The following TPR variants were observed in gnomAD, a reference collection of about 807,000 sequenced individuals.
TPR encodes translocated promoter region, nuclear basket protein, also known as nucleoprotein TPR.
A neutral mutation model predicts 316.1 loss-of-function variants in TPR; 51 were observed. That is an observed-to-expected ratio of 0.16 (90% CI 0.13 to 0.20). TPR has a LOEUF of 0.20. Among genes scored for constraint, TPR ranks in the 10% least tolerant of loss-of-function variants. TPR has a pLI of 1.00. For synonymous variants in TPR, 981 were observed against 914.7 expected (o/e 1.07, Z -1.31); for missense variants, 2,272 against 2,754.8 (o/e 0.82, Z 3.92).
Position 186,312,761 on chromosome 1 carries a change from A to G in TPR, c.*1210T>C, listed in dbSNP as rs761807767. The G allele has an allele frequency of 2.5e-6, 4 of 1,612,538 alleles. No homozygotes were observed. The highest frequency in any genetic ancestry group is 1.3e-5 in the African/African-American group (1 of 74,996). On this transcript the variant is annotated 3_prime_UTR_variant, in exon 51 of 51. Transcript: ENST00000367478. The stretch of plus-strand genomic sequence containing the variant: ...TCTGGTATCTTTTATTAAACATGCC[A>G]CTTACAGGTGTCCTTCATAATGAAG...
chr1:186,361,600 T>G (rs1262164698), intron 9 of TPR, 22 bp downstream of exon 9: 1 of 1,608,222 alleles, frequency 6.2e-7, no homozygotes, highest in East Asian at 2.2e-5. Context: ...AAAATAATGT[T>G]CCCATAACTG....
chr1:186,353,904 C>A (rs1658946995), intron 17 of TPR, 54 bp from the exon 18 acceptor site: 2 of 1,545,202 alleles, frequency 1.3e-6, no homozygotes, highest in African/African-American at 1.4e-5. Flanking sequence ...CTAGCTTAAT[C>A]CCTTGAAGAA....
intron 29 of TPR, among the ~76,000 whole-genome samples, 170 bp downstream of exon 29, chr1:186,340,858 T>C (rs956711840): frequency 6.6e-6 from 1 of 152,174 alleles, no homozygotes; most frequent in African/African-American, 2.4e-5. Context: ...ATAAATTGGG[T>C]TATAAGTTTA....
intron 23 of TPR, 151 bp downstream of exon 23, chr1:186,345,984 G>T: frequency 1.3e-6 from 1 of 794,974 alleles, no homozygotes; most frequent in Non-Finnish European, 1.9e-6. Context: ...GTATATAGAG[G>T]TACAGAAAAG....
At position 186,312,796 on chromosome 1, in the gene TPR, G is replaced by C. The variant is rs752573420; in HGVS notation, c.*1175C>G. 1.2e-6 allele frequency: 2 copies of C among 1,612,700 alleles called. No homozygotes were observed. Among genetic ancestry groups the C allele is most frequent in the East Asian group, 4.5e-5 (2 of 44,838 alleles). ...GTCCTTCATAATGAAGTTAAAGTGA[G>C]TATACTGTGGAGAGGACTTCCAAAT... is the stretch of plus-strand genomic sequence containing the variant. On this transcript the variant is annotated 3_prime_UTR_variant, in exon 51 of 51. Transcript: ENST00000367478.
rs141229919 is a variant in TPR at position 186,318,737 on chromosome 1, G to A, written c.6660C>T (p.Ala2220=). The change falls in exon 47 of 51, where the codon GCC becomes GCT. Residue 2220 remains alanine, a synonymous_variant. Transcript: ENST00000367478. ...CTATCTGCCTTTGATCCCTACCTGG[G>A]GCTGCTACTTGTAGTGGAGTAGTGG... The part of the protein sequence containing the change: ...SVPTTPLQVA[A]PVTVFTESTT... 648 of 1,614,016 alleles carry A rather than the reference G, an allele frequency of 4.0e-4. No individual in the cohort carries two copies. The highest frequency in any genetic ancestry group is 1.0e-3 in the Admixed American group (60 of 59,998).
chr1:186,349,935 A>C (rs1658811064), intron 21 of TPR, among the ~76,000 whole-genome samples: 1 of 152,144 alleles, frequency 6.6e-6, no homozygotes, highest in African/African-American at 2.4e-5. Flanking sequence ...CCTCTTCAGA[A>C]AGAATAATTT....
rs1042451879 is a variant in TPR at position 186,363,547 on chromosome 1, A to G, written c.428-102T>C. On this transcript the variant is annotated intron_variant, in intron 4 of 50. Coordinates refer to ENST00000367478, the MANE Select transcript of TPR (RefSeq NM_003292.3). ...GGAATATAAACCTTTAATACAAAGT[A>G]TGCACAGCTGGCCCTTGAATAACAC... 70 of 736,602 alleles carry G rather than the reference A, an allele frequency of 9.5e-5. 2 individuals are homozygous for G. The African/African-American group carries it at 1.2e-3, about 12-fold the overall frequency. 45.6% of individuals were successfully genotyped at this position (736,602 alleles called of 1,614,324 possible).
intron 39 of TPR, among the ~76,000 whole-genome samples, chr1:186,330,588 C>A (rs980040149): frequency 6.6e-6 from 1 of 152,012 alleles, no homozygotes; most frequent in African/African-American, 2.4e-5. Context: ...ATATGTATAG[C>A]GTTTCCCCAA....
chr1:186,320,409 C>G lies in TPR; in HGVS notation c.6471G>C (p.Gln2157His). The change falls in exon 46 of 51, where the codon CAG becomes CAC. Residue 2157 changes from glutamine (Q) to histidine (H), a missense_variant. Physicochemically the swap from Gln to His is conservative, Grantham distance 24. Transcript: ENST00000367478. Reference protein sequence around the residue: ...DGFAEAIHSPQVAGVPRFRFG... With the variant: ...DGFAEAIHSPHVAGVPRFRFG... ...ACCGGAATCTAGGGACACCAGCAAC[C>G]TGCGGCGAACTAAATGGACAAAAAC... The G allele has an allele frequency of 6.2e-7, 1 of 1,608,052 alleles. No homozygotes were observed. The highest frequency in any genetic ancestry group is 8.5e-7 in the Non-Finnish European group (1 of 1,176,748).
intron 35 of TPR, among the ~76,000 whole-genome samples, chr1:186,334,742 T>C (rs929764995): frequency 3.3e-5 from 5 of 152,142 alleles, no homozygotes; most frequent in Non-Finnish European, 5.9e-5. Flanking sequence ...AGCTGTTGAA[T>C]TGCTGAACCC....
Sources: allele counts gnomAD v4.1 joint callset (sites outside exome capture counted in the v4.1 genomes callset), GRCh38; gene constraint gnomAD v4.1.1; transcripts MANE v1.5; gene names NCBI Gene and HGNC (gene_info 2026-07-23, HGNC 2026-07-21).